Variants in ZUP1 observed in about 807,000 individuals in gnomAD.
ZUP1 encodes zinc finger-containing ubiquitin peptidase 1.
A neutral mutation model predicts 68.1 loss-of-function variants in ZUP1; 55 were observed. The ratio of observed to expected loss-of-function variants is 0.81; its 90% confidence interval spans 0.65 to 1.01. ZUP1 has a LOEUF of 1.01. ZUP1 is among the 50% of genes least tolerant of loss of function. The probability of loss-of-function intolerance (pLI) is 0.00; values close to 1 mark genes in which losing one functional copy is unlikely to be tolerated. For missense variants in ZUP1, 684 were observed against 674.9 expected (o/e 1.01, Z -0.15); for synonymous variants, 223 against 221.5 (o/e 1.01, Z -0.06).
intron 3 of ZUP1, 148 bp downstream of exon 3, chr6:116,660,588 G>T (rs1219287707): frequency 1.1e-5 from 6 of 548,604 alleles, no homozygotes; most frequent in Non-Finnish European, 1.9e-5. Flanking sequence ...AGCTGCTAAA[G>T]AAATGGCCTC....
chr6:116,636,015 A>C (rs1056576131), intron 9 of ZUP1, 136 bp from the exon 10 acceptor site: 7 of 520,486 alleles, frequency 1.3e-5, no homozygotes, highest in East Asian at 6.9e-5. Flanking sequence ...GAAAAATTGC[A>C]ATCTCAAACT....
chr6:116,640,394 A>G (rs1297361724), intron 9 of ZUP1, among the ~76,000 whole-genome samples: 1 of 152,196 alleles, frequency 6.6e-6, no homozygotes, highest in African/African-American at 2.4e-5. Flanking sequence ...TGTCAGATTT[A>G]CCAAAGCTGA....
chr6:116,646,497 G>A (rs947727221), intron 8 of ZUP1, among the ~76,000 whole-genome samples: 2 of 152,146 alleles, frequency 1.3e-5, no homozygotes, highest in Non-Finnish European at 2.9e-5. Flanking sequence ...TGTGTTCTTG[G>A]AACTTATATT....
chr6:116,648,009 C>T (rs1776366839), intron 7 of ZUP1, among the ~76,000 whole-genome samples: 1 of 152,046 alleles, frequency 6.6e-6, no homozygotes, highest in South Asian at 2.1e-4. Flanking sequence ...AGTTTCTAAC[C>T]CTGATGATCA....
intron 9 of ZUP1, 110 bp downstream of exon 9, chr6:116,645,604 A>C (rs979248894): frequency 1.8e-5 from 15 of 851,800 alleles, no homozygotes; most frequent in Middle Eastern, 3.4e-4. Context: ...AAAAAAAAGA[A>C]AAAGAATAGA....
chr6:116,662,114 G>T (rs1562411528), intron 2 of ZUP1, among the ~76,000 whole-genome samples: 2 of 152,166 alleles, frequency 1.3e-5, no homozygotes, highest in African/African-American at 4.8e-5. Context: ...AAGAGAAAAT[G>T]AAGTATTAAG....
intron 9 of ZUP1, among the ~76,000 whole-genome samples, chr6:116,639,978 C>T (rs1413119231): frequency 6.6e-6 from 1 of 152,136 alleles, no homozygotes; most frequent in Non-Finnish European, 1.5e-5. Flanking sequence ...ATAACCAATA[C>T]AGAGAAGTGC....
intron 2 of ZUP1, 58 bp from the exon 3 acceptor site, chr6:116,660,904 C>CTTT (rs368048094): frequency 1.2e-4 from 94 of 815,394 alleles, no homozygotes; most frequent in Middle Eastern, 7.7e-4. Context: ...TTTTTCTTTG[C>CTTT]TTTTTTTTTT....
In ZUP1 at chr6:116,656,700, T is replaced by C. The variant is rs774690248; in HGVS notation, c.945A>G (p.Gly315=). The C allele has an allele frequency of 1.2e-6, 2 of 1,610,540 alleles. No individual in the cohort carries two copies. Among genetic ancestry groups the C allele is most frequent in the Non-Finnish European group, 1.7e-6 (2 of 1,179,056 alleles). Residue 315 remains glycine (G), a synonymous_variant, in exon 5 of 10, where the codon GGA becomes GGG. Transcript: ENST00000368576. ...AATACTCACCGGAAGTTTTTGTTTT[T>C]CCATCGTCAAAACCAAGAGCTAATG... ...MESLALGFDD[G]KTKTSGIIEA... is the part of the protein sequence containing the mutation.
intron 9 of ZUP1, among the ~76,000 whole-genome samples, chr6:116,642,374 A>C (rs374295681): frequency 0.15 from 22,834 of 151,564 alleles, 3,254 homozygotes; most frequent in African/African-American, 0.36. Flanking sequence ...CCTTGCAGAG[A>C]CACAACCAAA....
intron 5 of ZUP1, among the ~76,000 whole-genome samples, chr6:116,653,545 T>C (rs969464716): frequency 6.6e-6 from 1 of 151,884 alleles, no homozygotes; most frequent in African/African-American, 2.4e-5. Flanking sequence ...CATGAAAAGG[T>C]GAAATACTGA....
Position 116,652,115 on chromosome 6 carries a change from C to A in ZUP1, c.1039G>T (p.Asp347Tyr), listed in dbSNP as rs1336593374. 1 of 1,614,004 alleles carries A rather than the reference C, an allele frequency of 6.2e-7. No individual in the cohort carries two copies. The highest frequency in any genetic ancestry group is 1.7e-5 in the Admixed American group (1 of 60,018). The change falls in exon 6 of 10, where the codon GAT becomes TAT. Residue 347 changes from aspartate (D) to tyrosine (Y), a missense_variant. Physicochemically the swap from Asp to Tyr is radical, Grantham distance 160. Transcript: ENST00000368576. ...VRRVWLSSVV[D>Y]HFHSSLGDKG... ...TCGCCTAAAGATGAATGAAAGTGAT[C>A]CACCACTGAAGAAAGCCACACCCGT...
Position 116,666,925 on chromosome 6 carries a change from T to G in ZUP1, c.268A>C (p.Ser90Arg). The G allele has an allele frequency of 6.2e-7, 1 of 1,613,214 alleles. No individual in the cohort carries two copies. Among genetic ancestry groups the G allele is most frequent in the Non-Finnish European group, 8.5e-7 (1 of 1,179,746 alleles). The change falls in exon 2 of 10, where the codon AGT (serine) becomes CGT (arginine). Residue 90 changes from serine to arginine, a missense_variant. Coordinates refer to ENST00000368576, the MANE Select transcript of ZUP1 (RefSeq NM_145062.3). Reference sequence around the variant, plus strand: ...TTAGATGCACAACCTGAAAGAATACTTGAATTAACTTCCATTCCACACTGT... The same window carrying G: ...TTAGATGCACAACCTGAAAGAATACGTGAATTAACTTCCATTCCACACTGT... ...TLQCGMEVNSSILSGCASNHP... is the reference protein window; with the variant it reads ...TLQCGMEVNSRILSGCASNHP...
At chr6:116,654,538 A>C (rs1236480114) in intron 5 of ZUP1, among the ~76,000 whole-genome samples, 1 of 152,028 alleles carries the variant, frequency 6.6e-6, no homozygotes, top group Non-Finnish European at 1.5e-5. Flanking sequence ...GGAGTTACTT[A>C]AGACACAAAT....
chr6:116,646,072 TCTC>T (rs1251091496), intron 8 of ZUP1, 138 bp from the exon 9 acceptor site: 1 of 562,880 alleles, frequency 1.8e-6, no homozygotes, highest in South Asian at 3.3e-5. Context: ...GTATCTAAGT[TCTC>T]CTAAGACGTA....
At chr6:116,646,702 G>A (rs1432645478) in intron 8 of ZUP1, among the ~76,000 whole-genome samples, 1 of 152,130 alleles carries the variant, frequency 6.6e-6, no homozygotes, top group East Asian at 1.9e-4. Flanking sequence ...AGCCTCCTGA[G>A]TAGCTAGGAC....
intron 9 of ZUP1, among the ~76,000 whole-genome samples, chr6:116,644,264 T>G (rs891336105): frequency 2.6e-5 from 4 of 152,306 alleles, no homozygotes; most frequent in Middle Eastern, 3.4e-3. Flanking sequence ...GTTCAACCAT[T>G]GTGGAAGTCA....
rs764456262 is a variant in ZUP1 at position 116,645,861 on chromosome 6, T to G, written c.1542A>C (p.Gly514=). The change falls in exon 9 of 10, where the codon GGA becomes GGC. Residue 514 remains glycine (G), a synonymous_variant. Coordinates refer to ENST00000368576, the MANE Select transcript of ZUP1 (RefSeq NM_145062.3). The part of the protein sequence containing the change: ...RTLCLLILDP[G]CPSREMQKLL... ...ATTTCTGCATTTCTCGAGAAGGACA[T>G]CCAGGATCAAGTATTAGTAAGCATA... is the stretch of plus-strand genomic sequence containing the variant. 1.9e-6 allele frequency: 3 copies of G among 1,613,944 alleles called. No individual in the cohort carries two copies. The highest frequency in any genetic ancestry group is 2.7e-5 in the African/African-American group (2 of 75,048).
chr6:116,666,849 T>C lies in ZUP1; in HGVS notation c.344A>G (p.His115Arg), dbSNP rs757807979. The C allele has an allele frequency of 1.2e-6, 2 of 1,610,156 alleles. No individual in the cohort carries two copies. The highest frequency in any genetic ancestry group is 4.5e-5 in the East Asian group (2 of 44,812). The change falls in exon 2 of 10, where the codon CAT becomes CGT. Residue 115 changes from histidine to arginine, a missense_variant. Coordinates refer to ENST00000368576, the MANE Select transcript of ZUP1 (RefSeq NM_145062.3). Reference sequence around the variant, plus strand: ...TAAGTTCTCTGAATAGAAGCCTTCATGTTTTAAAGTACTATCTTTAGTCAG... The same window carrying C: ...TAAGTTCTCTGAATAGAAGCCTTCACGTTTTAAAGTACTATCTTTAGTCAG... ...QNLTKDSTLK[H>R]EGFYSENLTE...
Sources: gnomAD v4.1 joint callset for allele counts (sites outside exome capture counted in the v4.1 genomes callset) on GRCh38, gnomAD v4.1.1 for gene constraint, MANE v1.5 for transcripts, NCBI Gene and HGNC (gene_info 2026-07-23, HGNC 2026-07-21) for gene names.